ZNF341: variants seen among roughly 807,000 people sequenced by gnomAD.
ZNF341 encodes zinc finger protein 341.
A neutral mutation model predicts 87.7 loss-of-function variants in ZNF341; 52 were observed. The observed-to-expected ratio is 0.59, with a 90% CI of 0.47 to 0.75. ZNF341 has a LOEUF of 0.75. Among genes scored for constraint, ZNF341 ranks in the 30% least tolerant of loss-of-function variants. The pLI is 0.00. For synonymous variants in ZNF341, 459 were observed against 472.7 expected (o/e 0.97, Z 0.38); for missense variants, 977 against 1,145.9 (o/e 0.85, Z 2.13).
intron 3 of ZNF341, 100 bp from the exon 4 acceptor site, chr20:33,748,823 T>A: frequency 8.0e-7 from 1 of 1,254,246 alleles, no homozygotes; most frequent in African/African-American, 1.5e-5. Flanking sequence ...TCGGCTTACT[T>A]ACAGAGCCTG....
Position 33,732,094 on chromosome 20 carries a change from G to T in ZNF341, c.31+42G>T. On this transcript the variant is annotated intron_variant, in intron 1 of 14. Coordinates refer to ENST00000375200, the MANE Select transcript of ZNF341 (RefSeq NM_001282933.2). This position sits in a 1 kb window ranked among gnomAD's most constrained non-coding sequence, Gnocchi z 4.5. ...CCGGCGGAGGCGGCTGTTCCGCGCTGCGCCCCCTCCCGCCGCGCCCTCGCA... is the reference window on the plus strand; with the variant it reads ...CCGGCGGAGGCGGCTGTTCCGCGCTTCGCCCCCTCCCGCCGCGCCCTCGCA... 1 of 1,204,352 alleles carries T rather than the reference G, an allele frequency of 8.3e-7. No homozygotes were observed. Among genetic ancestry groups the T allele is most frequent in the Non-Finnish European group, 1.0e-6 (1 of 967,946 alleles). The allele number at this position is 1,204,352 out of a possible 1,614,324, so 74.6% of individuals were successfully genotyped here. A position where few individuals can be genotyped will look rare whatever the true frequency, so the allele number is the denominator to read the frequency against.
In ZNF341 at chr20:33,783,751, A is replaced by G; in HGVS notation, c.1739A>G (p.Tyr580Cys). 1 of 1,613,720 alleles carries G rather than the reference A, an allele frequency of 6.2e-7. No homozygotes were observed. The highest frequency in any genetic ancestry group is 8.5e-7 in the Non-Finnish European group (1 of 1,179,852). ...HCQKVFPCER[Y>C]LRRHLPTHGS... is the part of the protein sequence containing the mutation. ...TCCCAGGTGTTTCCTTGTGAACGCT[A>G]CCTGCGGCGTCATCTGCCCACCCAC... The change falls in exon 12 of 15, where the codon TAC becomes TGC. Residue 580 changes from tyrosine (Y) to cysteine (C), a missense_variant. Around this residue, in one of 3 missense-constraint regions of ZNF341, gnomAD observed 241 missense variants for 335.0 expected, o/e 0.72. Coordinates refer to ENST00000375200, the MANE Select transcript of ZNF341 (RefSeq NM_001282933.2).
intron 4 of ZNF341, chr20:33,752,652 CTTTTTTTTTTT>C (rs956277736): frequency 1.8e-5 from 3 of 171,300 alleles, no homozygotes; most frequent in African/African-American, 8.6e-5. Context: ...ATTTTCTTTT[CTTTTTTTTTTT>C]TTTTTTTGAG....
At chr20:33,787,139 C>T (rs75950523) in intron 12 of ZNF341, 99 of 152,268 alleles carry the variant, frequency 6.5e-4, no homozygotes, top group African/African-American at 2.2e-3. Context: ...CCTTTCCCTA[C>T]ACCTCCCCAT....
chr20:33,768,079 A>T (rs2019445556), intron 9 of ZNF341, among the ~76,000 whole-genome samples: 1 of 152,106 alleles, frequency 6.6e-6, no homozygotes, highest in Non-Finnish European at 1.5e-5. Context: ...GTTGGCTAGA[A>T]AGGAGTCACA....
rs971338229 is a variant in ZNF341 at position 33,742,235 on chromosome 20, C to T, written c.142+1223C>T. 4.6e-5 allele frequency among the ~76,000 whole-genome samples: 7 copies of T among 152,258 alleles called. 1 individual carries two copies. Among genetic ancestry groups the T allele is most frequent in the South Asian group, 2.1e-4 (1 of 4,820 alleles). On this transcript the variant is annotated intron_variant, in intron 2 of 14. Transcript: ENST00000375200. ...TTTTTGAGATGGAGTCTTGCTCTGT[C>T]GCCCAGGCTGGAGTGCAGTGGCGCG...
chr20:33,766,446 T>C (rs1601265097), intron 8 of ZNF341, among the ~76,000 whole-genome samples: 2 of 152,048 alleles, frequency 1.3e-5, no homozygotes, highest in African/African-American at 4.8e-5. Context: ...CCGTCCGCCT[T>C]GACCTCCCAA....
chr20:33,778,522 G>A (rs1014576962), intron 10 of ZNF341, among the ~76,000 whole-genome samples: 8 of 152,146 alleles, frequency 5.3e-5, no homozygotes, highest in Non-Finnish European at 1.0e-4. Context: ...TGTTGGCCAG[G>A]TTGGTCTCGA....
intron 4 of ZNF341, chr20:33,752,653 T>G: frequency 7.9e-6 from 1 of 127,178 alleles, no homozygotes; most frequent in Non-Finnish European, 1.5e-5. Flanking sequence ...TTTTCTTTTC[T>G]TTTTTTTTTT....
Position 33,732,501 on chromosome 20 carries a change from G to A in ZNF341, c.31+449G>A, listed in dbSNP as rs1252752985. Among the ~76,000 whole-genome samples the A allele has an allele frequency of 6.6e-6, 1 of 152,234 alleles. No homozygotes were observed. The highest frequency in any genetic ancestry group is 1.5e-5 in the Non-Finnish European group (1 of 68,034). ...ACGAAGAACTTCTGCGGAGCGGACTGTATGCCTCGTGCTAGGACGTAGTCT... is the reference window on the plus strand; with the variant it reads ...ACGAAGAACTTCTGCGGAGCGGACTATATGCCTCGTGCTAGGACGTAGTCT... On this transcript the variant is annotated intron_variant, in intron 1 of 14. Coordinates refer to ENST00000375200, the MANE Select transcript of ZNF341 (RefSeq NM_001282933.2). The surrounding 1 kb of genome is among the most constrained non-coding windows in gnomAD (Gnocchi z 4.5).
In ZNF341 at chr20:33,746,687, T is replaced by C. The variant is rs372083894; in HGVS notation, c.339+1388T>C. On this transcript the variant is annotated intron_variant, in intron 3 of 14. Coordinates refer to ENST00000375200, the MANE Select transcript of ZNF341 (RefSeq NM_001282933.2). ...AGCCAGGAGACCCGTTGAGGGACTG[T>C]AGTGCAAATCCAGGCAGTGGATGCG... Among the ~76,000 whole-genome samples the C allele has an allele frequency of 5.9e-5, 9 of 152,266 alleles. No homozygotes were observed. The South Asian group carries it at 1.9e-3, about 32-fold the overall frequency.
intron 1 of ZNF341, among the ~76,000 whole-genome samples, chr20:33,734,549 G>A (rs1226403557): frequency 6.6e-6 from 1 of 152,172 alleles, no homozygotes; most frequent in Non-Finnish European, 1.5e-5. Flanking sequence ...AACCAGAAAT[G>A]GGGAGTGGGG....
intron 8 of ZNF341, 102 bp from the exon 9 acceptor site, chr20:33,766,749 A>G: frequency 7.9e-7 from 1 of 1,268,966 alleles, no homozygotes; most frequent in Non-Finnish European, 1.1e-6. Context: ...CAAAGCGAGT[A>G]GCAGGTGCCG....
At chr20:33,751,861 A>G (rs2626535) in intron 4 of ZNF341, among the ~76,000 whole-genome samples, 8,591 of 152,104 alleles carry the variant, frequency 0.056, 823 homozygotes, top group African/African-American at 0.2. Context: ...TAGCCGCTGC[A>G]CCAAGCCCAA....
chr20:33,749,910 G>A (rs935399004), intron 4 of ZNF341, among the ~76,000 whole-genome samples: 2 of 151,536 alleles, frequency 1.3e-5, no homozygotes, highest in South Asian at 2.1e-4. Flanking sequence ...GCGCCACCAC[G>A]CCCAGCTGAT....
intron 10 of ZNF341, among the ~76,000 whole-genome samples, chr20:33,779,232 C>T (rs955254731): frequency 4.6e-5 from 7 of 152,066 alleles, no homozygotes; most frequent in African/African-American, 1.2e-4. Flanking sequence ...GAGAGGGAGG[C>T]GCCATACACT....
chr20:33,770,419 C>T, intron 10 of ZNF341, 127 bp downstream of exon 10: 11 of 956,936 alleles, frequency 1.1e-5, no homozygotes, highest in Non-Finnish European at 1.7e-5. Flanking sequence ...ACCGAGGCTC[C>T]TGGCTGGGGT....
At chr20:33,746,225 G>A (rs868720918) in intron 3 of ZNF341, among the ~76,000 whole-genome samples, 28 of 125,658 alleles carry the variant, frequency 2.2e-4, no homozygotes, top group South Asian at 1.7e-3. Context: ...CACCGCGCCC[G>A]GCCTTTTTTT....
rs760822347 is a variant in ZNF341 at position 33,745,159 on chromosome 20, G to GT, written c.199_200insT (p.Ala67ValfsTer73). 2 of 1,614,054 alleles carry GT rather than the reference G, an allele frequency of 1.2e-6. No individual in the cohort carries two copies. Among genetic ancestry groups the GT allele is most frequent in the Non-Finnish European group, 1.7e-6 (2 of 1,179,922 alleles). ...TAAGAAGCAATTCAACTCGCTGCCA[G>GT]CGTTTATGACCCACAAGCGGGAACA... On this transcript the variant is annotated frameshift_variant, in exon 3 of 15. Coordinates refer to ENST00000375200, the MANE Select transcript of ZNF341 (RefSeq NM_001282933.2). LOFTEE classifies it high-confidence loss of function.
Sources: gnomAD v4.1 joint callset for allele counts (sites outside exome capture counted in the v4.1 genomes callset) on GRCh38, gnomAD v4.1.1 for gene constraint, gnomAD v4.1.1 regional missense constraint, Gnocchi (gnomAD v3.1) non-coding constraint, MANE v1.5 for transcripts, NCBI Gene and HGNC (gene_info 2026-07-23, HGNC 2026-07-21) for gene names.